The following MGAT5B variants were observed in gnomAD, a reference collection of about 807,000 sequenced individuals.
The protein encoded by MGAT5B is alpha-1,6-mannosylglycoprotein 6-beta-N-acetylglucosaminyltransferase B, also known as N-acetylglucosaminyl-transferase Vb.
Under a neutral mutation model 95.1 loss-of-function variants are expected in MGAT5B, and 54 were observed. The ratio of observed to expected loss-of-function variants is 0.57; its 90% confidence interval spans 0.46 to 0.71. The LOEUF is 0.71. Among genes scored for constraint, MGAT5B ranks in the 30% least tolerant of loss-of-function variants. MGAT5B has a pLI of 0.00. For synonymous variants in MGAT5B, 464 were observed against 451.0 expected, an observed-to-expected ratio of 1.03 and a Z score of -0.36; for missense variants, 935 against 1,088.6, an observed-to-expected ratio of 0.86 and a Z score of 1.99.
In MGAT5B at chr17:76,904,311, C is replaced by G; in HGVS notation, c.579C>G (p.Thr193=). Residue 193 remains threonine, a synonymous_variant, in exon 6 of 18, where the codon ACC becomes ACG. Coordinates refer to ENST00000569840, the MANE Select transcript of MGAT5B (RefSeq NM_001199172.2). ...ACGCCTTCTTTGGGGTGGACGGCAC[C>G]GAGTGCTCCTTCCTCATCTACCTCA... ...PCYAFFGVDG[T]ECSFLIYLSE... 2 of 1,610,070 alleles carry G rather than the reference C, an allele frequency of 1.2e-6. No individual in the cohort carries two copies. The highest frequency in any genetic ancestry group is 1.7e-6 in the Non-Finnish European group (2 of 1,178,548).
chr17:76,882,222 A>T lies in MGAT5B; in HGVS notation c.253A>T (p.Met85Leu), dbSNP rs1386364270. The T allele has an allele frequency of 1.9e-6, 3 of 1,613,742 alleles. No homozygotes were observed. Among genetic ancestry groups the T allele is most frequent in the South Asian group, 2.2e-5 (2 of 91,050 alleles). The change falls in exon 3 of 18, where the codon ATG (methionine) becomes TTG (leucine). Residue 85 changes from methionine (M) to leucine (L), a missense_variant. By Grantham distance (15) the Met-to-Leu change is conservative. Transcript: ENST00000569840. ...CCTGCTGGAGCTGATGGTGAAGCGC[A>T]TGGACGCACTGGCCAGGCTGGAGAA... ...SDLLELMVKRMDALARLENSS... is the reference protein window; with the variant it reads ...SDLLELMVKRLDALARLENSS...
chr17:76,890,591 C>T (rs1167958334), intron 3 of MGAT5B, among the ~76,000 whole-genome samples: 1 of 152,136 alleles, frequency 6.6e-6, no homozygotes, highest in African/African-American at 2.4e-5. Context: ...GCAGCCTCTG[C>T]CTCTCAGGCT....
chr17:76,922,861 T>G (rs150457323), intron 8 of MGAT5B, among the ~76,000 whole-genome samples: 53 of 152,270 alleles, frequency 3.5e-4, no homozygotes, highest in African/African-American at 1.3e-3. Context: ...CCTCTCACAC[T>G]TAGCAGCAAA....
chr17:76,949,519 TGAG>T lies in MGAT5B; in HGVS notation c.*684_*686del, dbSNP rs1970142700. Reference sequence around the variant, plus strand: ...GATTCCCCCACCCTCCCTCTACACTTGAGGACCACAGTTGGGGGTGTAGGGACC... The same window carrying T: ...GATTCCCCCACCCTCCCTCTACACTTGACCACAGTTGGGGGTGTAGGGACC... On this transcript the variant is annotated 3_prime_UTR_variant, in exon 18 of 18. Coordinates refer to ENST00000569840, the MANE Select transcript of MGAT5B (RefSeq NM_001199172.2). 6.6e-6 allele frequency: 1 copy of T among 152,360 alleles called. No homozygotes were observed. Among genetic ancestry groups the T allele is most frequent in the Non-Finnish European group, 1.5e-5 (1 of 68,234 alleles). 9.4% of individuals were successfully genotyped at this position (152,360 alleles called of 1,614,324 possible). A position where few individuals can be genotyped will look rare whatever the true frequency, so the allele number is the denominator to read the frequency against.
At chr17:76,927,038 G>A (rs1969335643) in intron 10 of MGAT5B, among the ~76,000 whole-genome samples, 1 of 152,176 alleles carries the variant, frequency 6.6e-6, no homozygotes, top group Non-Finnish European at 1.5e-5. Context: ...AGAACACGGG[G>A]GACTCCGCGG....
chr17:76,915,750 C>T lies in MGAT5B; in HGVS notation c.1026-9216C>T, dbSNP rs922803706. ...CCGTTCCAAGAGGAGGCACGAGAGG[C>T]CGACGATTACAATTCACTAAAAATC... is the stretch of plus-strand genomic sequence containing the variant. On this transcript the variant is annotated intron_variant, in intron 8 of 17. Coordinates refer to ENST00000569840, the MANE Select transcript of MGAT5B (RefSeq NM_001199172.2). The surrounding 1 kb of genome is among the most constrained non-coding windows in gnomAD (Gnocchi z 8.7). Among the ~76,000 whole-genome samples, 4 of 152,190 alleles carry T rather than the reference C, an allele frequency of 2.6e-5. No individual in the cohort carries two copies. The highest frequency in any genetic ancestry group is 1.9e-4 in the East Asian group (1 of 5,194).
chr17:76,895,926 A>T (rs916639462), intron 3 of MGAT5B, among the ~76,000 whole-genome samples: 1 of 152,236 alleles, frequency 6.6e-6, no homozygotes, highest in Non-Finnish European at 1.5e-5. Context: ...AAGAAATTCA[A>T]ACATTTTCGA....
intron 10 of MGAT5B, 66 bp from the exon 11 acceptor site, chr17:76,932,579 C>A: frequency 6.2e-7 from 1 of 1,602,994 alleles, no homozygotes; most frequent in Non-Finnish European, 8.5e-7. Context: ...CGGGGCAGTC[C>A]AGGGAGGCCT....
intron 3 of MGAT5B, among the ~76,000 whole-genome samples, chr17:76,897,892 C>G (rs930563036): frequency 4.0e-5 from 6 of 151,474 alleles, no homozygotes; most frequent in Non-Finnish European, 8.8e-5. Flanking sequence ...CCTGTCTCTA[C>G]TAAAAATACA....
chr17:76,896,637 G>A (rs1398171360), intron 3 of MGAT5B, among the ~76,000 whole-genome samples: 1 of 152,202 alleles, frequency 6.6e-6, no homozygotes, highest in African/African-American at 2.4e-5. Flanking sequence ...TAAAGCCTGT[G>A]TTCAGAGAGG....
At position 76,938,491 on chromosome 17, in the gene MGAT5B, G is replaced by A. The variant is rs575011699; in HGVS notation, c.1584+348G>A. 1.3e-3 allele frequency among the ~76,000 whole-genome samples: 202 copies of A among 152,346 alleles called. No homozygotes were observed. Among genetic ancestry groups the A allele is most frequent in the African/African-American group, 4.6e-3 (191 of 41,586 alleles). ...CTAGCTTTTGGAGACACTGAGCTGG[G>A]GGGTGGTTGGGTGGGTGGAGAGAAG... On this transcript the variant is annotated intron_variant, in intron 13 of 17. Coordinates refer to ENST00000569840, the MANE Select transcript of MGAT5B (RefSeq NM_001199172.2). This position sits in a 1 kb window ranked among gnomAD's most constrained non-coding sequence, Gnocchi z 4.3.
At chr17:76,901,879 C>T (rs529881600) in intron 3 of MGAT5B, among the ~76,000 whole-genome samples, 5 of 152,392 alleles carry the variant, frequency 3.3e-5, no homozygotes, top group African/African-American at 1.2e-4. Context: ...AATGGAATTC[C>T]TCTGCCTGTT....
rs551248348 is a variant in MGAT5B at position 76,904,563 on chromosome 17, G to A, written c.690+141G>A. Reference sequence around the variant, plus strand: ...TGGGCAGGTCCGAGCCCACCCTACCGGGCAGACGGGAGGCCAGCCTGCCAA... The same window carrying A: ...TGGGCAGGTCCGAGCCCACCCTACCAGGCAGACGGGAGGCCAGCCTGCCAA... On this transcript the variant is annotated intron_variant, in intron 6 of 17. Transcript: ENST00000569840. 3.4e-5 allele frequency: 33 copies of A among 977,112 alleles called. No homozygotes were observed. In the East Asian group the frequency reaches 5.7e-4, roughly 17 times the overall value. 60.5% of individuals were successfully genotyped at this position (977,112 alleles called of 1,614,324 possible).
chr17:76,938,173 C>T lies in MGAT5B; in HGVS notation c.1584+30C>T. On this transcript the variant is annotated intron_variant, in intron 13 of 17. Transcript: ENST00000569840. The surrounding 1 kb of genome is among the most constrained non-coding windows in gnomAD (Gnocchi z 4.3). ...GCTCCCATCCCCCGCACCATTCTCA[C>T]ACTTGCCGGCTGCAGACACTGAGGT... 1.2e-6 allele frequency: 2 copies of T among 1,608,928 alleles called. No homozygotes were observed. Among genetic ancestry groups the T allele is most frequent in the Non-Finnish European group, 8.5e-7 (1 of 1,176,592 alleles).
intron 3 of MGAT5B, among the ~76,000 whole-genome samples, chr17:76,901,893 G>A (rs1440546104): frequency 6.6e-6 from 1 of 152,290 alleles, no homozygotes; most frequent in East Asian, 1.9e-4. Flanking sequence ...GCCTGTTTCA[G>A]CCCCATGCAC....
intron 4 of MGAT5B, 37 bp downstream of exon 4, chr17:76,902,707 G>A (rs1395658809): frequency 1.4e-5 from 20 of 1,469,976 alleles, no homozygotes; most frequent in Non-Finnish European, 1.9e-5. Flanking sequence ...TCTACCCCTA[G>A]GGGGCCAATG....
chr17:76,944,087 G>C (rs1400118100), intron 15 of MGAT5B: 2 of 152,504 alleles, frequency 1.3e-5, no homozygotes. Context: ...ACCCCTCCCT[G>C]CTGTCATTCC....
chr17:76,924,977 T>A lies in MGAT5B; in HGVS notation c.1037T>A (p.Val346Glu). 2 of 1,611,866 alleles carry A rather than the reference T, an allele frequency of 1.2e-6. No homozygotes were observed. Among genetic ancestry groups the A allele is most frequent in the Non-Finnish European group, 1.7e-6 (2 of 1,179,442 alleles). ...SLKELQSNLG[V>E]PPGRGSCPLT... ...GGCTCTTCTCTCAGTAACTTAGGGGTACCGCCAGGCCGGGGAAGCTGCCCG... is the reference window on the plus strand; with the variant it reads ...GGCTCTTCTCTCAGTAACTTAGGGGAACCGCCAGGCCGGGGAAGCTGCCCG... Residue 346 changes from valine (V) to glutamate (E), a missense_variant, in exon 9 of 18, where the codon GTA becomes GAA. Val to Glu is a moderately radical substitution (Grantham distance 121). Transcript: ENST00000569840.
At position 76,872,876 on chromosome 17, in the gene MGAT5B, T is replaced by C; in HGVS notation, c.94T>C (p.Phe32Leu). The stretch of plus-strand genomic sequence containing the variant: ...GCTTTTTGTCCTGGGCATCGGCTTC[T>C]TCACTCTCTGCTTCCTGATGACGTC... Reference protein sequence around the residue: ...FRLFVLGIGFFTLCFLMTSLG... With the variant: ...FRLFVLGIGFLTLCFLMTSLG... Residue 32 changes from phenylalanine (F) to leucine (L), a missense_variant, in exon 2 of 18, where the codon TTC (phenylalanine) becomes CTC (leucine). Physicochemically the swap from Phe to Leu is conservative, Grantham distance 22. This residue lies in a region of MGAT5B where 243 missense variants were observed against 228.2 expected (regional missense o/e 1.06). Coordinates refer to ENST00000569840, the MANE Select transcript of MGAT5B (RefSeq NM_001199172.2). 1 of 1,614,228 alleles carries C rather than the reference T, an allele frequency of 6.2e-7. No homozygotes were observed. Among genetic ancestry groups the C allele is most frequent in the Non-Finnish European group, 8.5e-7 (1 of 1,180,040 alleles).
Sources: gnomAD v4.1 joint callset for allele counts (sites outside exome capture counted in the v4.1 genomes callset) on GRCh38, gnomAD v4.1.1 for gene constraint, gnomAD v4.1.1 regional missense constraint, Gnocchi (gnomAD v3.1) non-coding constraint, MANE v1.5 for transcripts, NCBI Gene and HGNC (gene_info 2026-07-23, HGNC 2026-07-21) for gene names.